Variants in SH2D4A observed in about 807,000 individuals in gnomAD.
The protein encoded by SH2D4A is SH2 domain containing 4A, also known as SH2 domain-containing protein 4A.
In SH2D4A, 70 loss-of-function variants were observed where a neutral mutation model predicts 64.7. That is an observed-to-expected ratio of 1.08 (90% CI 0.89 to 1.32). SH2D4A has a LOEUF of 1.32. Ranked by LOEUF, SH2D4A falls within the 40% of genes most tolerant of loss-of-function variation. The probability of loss-of-function intolerance (pLI) is 0.00; values close to 1 mark genes in which losing one functional copy is unlikely to be tolerated. For missense variants in SH2D4A, 706 were observed against 540.1 expected (o/e 1.31, Z -3.04); for synonymous variants, 268 against 200.7 (o/e 1.34, Z -2.83).
At chr8:19,356,144 G>A (rs796594497) in intron 4 of SH2D4A, among the ~76,000 whole-genome samples, 48 of 152,284 alleles carry the variant, frequency 3.2e-4, no homozygotes, top group African/African-American at 1.1e-3. Context: ...GGTTTCAAGT[G>A]GGCCTGGGGA....
At chr8:19,388,155 A>G (rs1490637627) in intron 8 of SH2D4A, among the ~76,000 whole-genome samples, 1 of 152,224 alleles carries the variant, frequency 6.6e-6, no homozygotes, top group African/African-American at 2.4e-5. Context: ...GGAAAATTCC[A>G]TGAGCCTAGT....
At position 19,365,810 on chromosome 8, in the gene SH2D4A, G is replaced by A. The variant is rs553516749; in HGVS notation, c.917+1528G>A. On this transcript the variant is annotated intron_variant, in intron 7 of 9. Transcript: ENST00000265807. ...GAGCCACCCCAGGAAAAGACAGACC[G>A]GCTCCTACAGTGTCTGTGGAGTTTT... Among the ~76,000 whole-genome samples the A allele has an allele frequency of 1.4e-4, 21 of 150,642 alleles. No homozygotes were observed. In the South Asian group the frequency reaches 2.1e-3, roughly 15 times the overall value.
At chr8:19,393,282 T>A (rs760660738) in intron 8 of SH2D4A, 36 bp from the exon 9 acceptor site, 1 of 1,595,646 alleles carries the variant, frequency 6.3e-7, no homozygotes, top group South Asian at 1.1e-5. Context: ...TGGAATGATT[T>A]GGCTGAAATA....
At chr8:19,376,610 G>A (rs1466285515) in intron 8 of SH2D4A, among the ~76,000 whole-genome samples, 2 of 152,078 alleles carry the variant, frequency 1.3e-5, no homozygotes, top group African/African-American at 4.8e-5. Context: ...GCAACAGAGT[G>A]CTACTCTGTC....
chr8:19,371,365 T>G (rs865809136), intron 7 of SH2D4A, among the ~76,000 whole-genome samples: 1 of 151,942 alleles, frequency 6.6e-6, no homozygotes, highest in Non-Finnish European at 1.5e-5. Flanking sequence ...ATTTTTTTTT[T>G]CCTTCAGTCT....
intron 2 of SH2D4A, among the ~76,000 whole-genome samples, chr8:19,323,749 G>A (rs1053571013): frequency 1.3e-5 from 2 of 152,176 alleles, no homozygotes; most frequent in Non-Finnish European, 2.9e-5. Context: ...ATTTCTGCAT[G>A]CTATAATGGT....
intron 5 of SH2D4A, among the ~76,000 whole-genome samples, chr8:19,358,939 C>T (rs532320697): frequency 6.1e-4 from 93 of 152,316 alleles, no homozygotes; most frequent in Non-Finnish European, 1.1e-3. Context: ...CATCCAGCCT[C>T]GGCCCCTCCG....
intron 4 of SH2D4A, among the ~76,000 whole-genome samples, chr8:19,348,394 G>A (rs1012750637): frequency 3.9e-5 from 6 of 152,172 alleles, no homozygotes; most frequent in Non-Finnish European, 8.8e-5. Context: ...ATTTTTAAGT[G>A]TTATTGTAAC....
chr8:19,387,473 C>A (rs752260699), intron 8 of SH2D4A, among the ~76,000 whole-genome samples: 1 of 152,258 alleles, frequency 6.6e-6, no homozygotes, highest in Admixed American at 6.5e-5. Context: ...CTCCTGGTCT[C>A]AAGTGATCCT....
At chr8:19,327,718 C>G (rs1250096529) in intron 2 of SH2D4A, among the ~76,000 whole-genome samples, 1 of 152,192 alleles carries the variant, frequency 6.6e-6, no homozygotes. Flanking sequence ...TCCCTTGGGT[C>G]TATGGAGCAG....
At chr8:19,364,572 C>G (rs1258184217) in intron 7 of SH2D4A, among the ~76,000 whole-genome samples, 1 of 152,064 alleles carries the variant, frequency 6.6e-6, no homozygotes, top group Non-Finnish European at 1.5e-5. Flanking sequence ...CCACTCTCCC[C>G]TTTCCCTCCC....
chr8:19,354,250 C>G (rs775069941), intron 4 of SH2D4A, among the ~76,000 whole-genome samples: 1 of 152,174 alleles, frequency 6.6e-6, no homozygotes, highest in Non-Finnish European at 1.5e-5. Flanking sequence ...ATCCACCCAA[C>G]TTGGCCTCTC....
At position 19,320,666 on chromosome 8, in the gene SH2D4A, TACAG is replaced by T. The variant is rs147947285; in HGVS notation, c.181+942_181+945del. Among the ~76,000 whole-genome samples, 305 of 132,834 alleles carry T rather than the reference TACAG, an allele frequency of 2.3e-3. 2 individuals carry two copies. Among genetic ancestry groups the T allele is most frequent in the African/African-American group, 8.0e-3 (289 of 36,274 alleles). The allele number at this position is 132,834 out of a possible 152,430, so 87.1% of individuals were successfully genotyped here. A position where few individuals can be genotyped will look rare whatever the true frequency, so the allele number is the denominator to read the frequency against. The stretch of plus-strand genomic sequence containing the variant: ...AAAAAAGACTTAAAGCATATACACA[TACAG>T]ACACAGAAAAATACACATTGTCCAC... On this transcript the variant is annotated intron_variant, in intron 2 of 9. Transcript: ENST00000265807.
chr8:19,393,641 TGGGGAGGGGACA>T, intron 9 of SH2D4A, 100 bp downstream of exon 9: 1 of 1,138,200 alleles, frequency 8.8e-7, no homozygotes, highest in Non-Finnish European at 1.3e-6. Flanking sequence ...AGACAAGTAC[TGGGGAGGGGACA>T]GGGGTGGGGG....
intron 7 of SH2D4A, among the ~76,000 whole-genome samples, chr8:19,372,283 T>G (rs773167747): frequency 5.3e-5 from 8 of 152,174 alleles, no homozygotes; most frequent in Non-Finnish European, 7.4e-5. Flanking sequence ...CCAGGCTTGC[T>G]GCAGCTCTCC....
intron 2 of SH2D4A, among the ~76,000 whole-genome samples, chr8:19,320,934 C>T (rs1343957918): frequency 6.6e-6 from 1 of 152,196 alleles, no homozygotes; most frequent in Admixed American, 6.5e-5. Flanking sequence ...GGTATATGCC[C>T]AGGTTCACAA....
intron 2 of SH2D4A, among the ~76,000 whole-genome samples, chr8:19,328,657 A>C (rs2052322022): frequency 6.6e-6 from 1 of 152,196 alleles, no homozygotes; most frequent in African/African-American, 2.4e-5. Context: ...ATATACTGAC[A>C]TGCGGAGCAG....
chr8:19,379,791 C>T (rs534798898), intron 8 of SH2D4A, among the ~76,000 whole-genome samples: 71 of 152,256 alleles, frequency 4.7e-4, no homozygotes, highest in African/African-American at 1.7e-3. Flanking sequence ...GGCTGGAGCG[C>T]AGTGGCACAC....
chr8:19,394,099 G>C (rs1003434860), intron 9 of SH2D4A, among the ~76,000 whole-genome samples: 1 of 152,084 alleles, frequency 6.6e-6, no homozygotes, highest in East Asian at 1.9e-4. Context: ...CCTAAGGAGC[G>C]CACAACTGAG....
Sources: allele counts gnomAD v4.1 joint callset (sites outside exome capture counted in the v4.1 genomes callset), GRCh38; gene constraint gnomAD v4.1.1; transcripts MANE v1.5; gene names NCBI Gene and HGNC (gene_info 2026-07-23, HGNC 2026-07-21).